Variants in TRRAP observed in about 807,000 individuals in gnomAD.
TRRAP encodes the protein transformation/transcription domain-associated protein.
A neutral mutation model predicts 438.8 loss-of-function variants in TRRAP; 41 were observed. That is an observed-to-expected ratio of 0.09 (90% confidence interval 0.07 to 0.12). The LOEUF (loss-of-function observed/expected upper bound fraction) is 0.12. TRRAP is among the 10% of genes least tolerant of loss of function. The pLI, the probability that TRRAP is intolerant of heterozygous loss-of-function variation, is 1.00. For missense variants in TRRAP, 3,122 were observed against 5,055.1 expected (o/e 0.62, Z 11.60); for synonymous variants, 1,994 against 1,962.9 (o/e 1.02, Z -0.42).
At chr7:98,892,624 C>A in intron 5 of TRRAP, 96 bp downstream of exon 5, 3 of 1,063,820 alleles carry the variant, frequency 2.8e-6, no homozygotes, top group Non-Finnish European at 4.0e-6. Flanking sequence ...ACTGTTTTAT[C>A]TTTCTCCCAA....
At chr7:99,002,130 T>TGGGGGGGGGGGGGGGGGGGGGGGGGGGGG (rs1562980307) in intron 67 of TRRAP, among the ~76,000 whole-genome samples, 2 of 37,342 alleles carry the variant, frequency 5.4e-5, no homozygotes, top group Admixed American at 5.8e-4. Flanking sequence ...GGCGGGGGGG[T>TGGGGGGGGGGGGGGGGGGGGGGGGGGGGG]GGGGTGGTGG....
chr7:98,890,311 G>A, intron 3 of TRRAP, 24 bp from the exon 4 acceptor site: 2 of 1,408,594 alleles, frequency 1.4e-6, no homozygotes, highest in South Asian at 1.4e-5. Flanking sequence ...AACTGAATGG[G>A]GTCTTTTATT....
chr7:98,934,455 A>AT (rs1454920664), intron 27 of TRRAP, among the ~76,000 whole-genome samples: 2 of 152,236 alleles, frequency 1.3e-5, no homozygotes, highest in Non-Finnish European at 2.9e-5. Context: ...TAGGAAATGC[A>AT]TAACTTCCCT....
chr7:98,892,606 AT>A, intron 5 of TRRAP, 78 bp downstream of exon 5: 1 of 1,225,698 alleles, frequency 8.2e-7, no homozygotes, highest in Non-Finnish European at 1.1e-6. Flanking sequence ...AAATTTCAGC[AT>A]TATACAACTG....
At chr7:98,977,381 C>T (rs532404504) in intron 56 of TRRAP, among the ~76,000 whole-genome samples, 7 of 152,272 alleles carry the variant, frequency 4.6e-5, no homozygotes, top group East Asian at 1.9e-4. Context: ...GTGCTGGTCT[C>T]GAACTCCTGA....
At chr7:98,978,461 C>A in intron 57 of TRRAP, 138 bp downstream of exon 57, 2 of 805,216 alleles carry the variant, frequency 2.5e-6, no homozygotes, top group Non-Finnish European at 4.0e-6. Flanking sequence ...AAATAGAAAC[C>A]CAAAACCAGC....
intron 51 of TRRAP, among the ~76,000 whole-genome samples, chr7:98,968,959 A>C (rs1223092558): frequency 6.6e-6 from 1 of 152,228 alleles, no homozygotes; most frequent in African/African-American, 2.4e-5. Context: ...TGGCTGTGGC[A>C]GGTCCATGTG....
intron 45 of TRRAP, among the ~76,000 whole-genome samples, chr7:98,960,828 G>A (rs1791858049): frequency 1.3e-5 from 2 of 151,756 alleles, no homozygotes; most frequent in Admixed American, 6.6e-5. Flanking sequence ...TGTTGACCAG[G>A]CCAGCCTCAA....
Position 98,927,356 on chromosome 7 carries a change from C to T in TRRAP, c.3165C>T (p.Ala1055=). The change falls in exon 23 of 73, where the codon GCC becomes GCT. Residue 1055 remains alanine, a synonymous_variant. Coordinates refer to ENST00000456197, the MANE Select transcript of TRRAP (RefSeq NM_001375524.1). ...LIRHYTMVAV[A]QQCGPFLLPC... ...GCCACTATACGATGGTGGCAGTCGCCCAGCAGTGTGGTGAGCACGGGGGCA... is the reference window on the plus strand; with the variant it reads ...GCCACTATACGATGGTGGCAGTCGCTCAGCAGTGTGGTGAGCACGGGGGCA... The T allele has an allele frequency of 6.2e-7, 1 of 1,614,178 alleles. No homozygotes were observed. The highest frequency in any genetic ancestry group is 8.5e-7 in the Non-Finnish European group (1 of 1,180,044).
rs782136917 is a variant in TRRAP at position 98,949,594 on chromosome 7, C to T, written c.4953+13C>T. 9 of 1,583,174 alleles carry T rather than the reference C, an allele frequency of 5.7e-6. No homozygotes were observed. In the Admixed American group the frequency reaches 1.4e-4, roughly 25 times the overall value. On this transcript the variant is annotated intron_variant, in intron 36 of 72. Transcript: ENST00000456197. The stretch of plus-strand genomic sequence containing the variant: ...CCAGGCCATCAAGGTAGCGCCCCTT[C>T]CTCCAGCCCCCAATGCCCAGGGGTT...
rs115458061 is a variant in TRRAP, at chr7:99,000,858, C to T, written c.10310-3332C>T. 8.1e-3 allele frequency among the ~76,000 whole-genome samples: 1,241 copies of T among 152,344 alleles called. 10 individuals are homozygous for T. Among genetic ancestry groups the T allele is most frequent in the African/African-American group, 0.026 (1,071 of 41,578 alleles). On this transcript the variant is annotated intron_variant, in intron 67 of 72. Transcript: ENST00000456197. ...CGAAGCCCACTGAGCAGTTCTGGCC[C>T]GGCCCCCTTCTCTGCCTTGCACACC...
chr7:98,940,953 C>T (rs1199040761), intron 30 of TRRAP, among the ~76,000 whole-genome samples: 1 of 152,172 alleles, frequency 6.6e-6, no homozygotes, highest in Admixed American at 6.5e-5. Context: ...GCCAAGGCAC[C>T]TTACTTTTAG....
intron 70 of TRRAP, 125 bp downstream of exon 70, chr7:99,008,686 A>G: frequency 9.5e-7 from 1 of 1,053,652 alleles, no homozygotes; most frequent in Non-Finnish European, 1.3e-6. Flanking sequence ...CTGTCATTTA[A>G]AGTAACTTTA....
Position 98,956,333 on chromosome 7 carries a change from G to A in TRRAP, c.6096+29G>A, listed in dbSNP as rs368291327. The A allele has an allele frequency of 3.8e-5, 62 of 1,613,334 alleles. No individual in the cohort carries two copies. Among genetic ancestry groups the A allele is most frequent in the East Asian group, 1.1e-4 (5 of 44,880 alleles). ...GGGGTGTCAGCCTCAGGGGTGCCCCGATCGTCTTCCTTTGACTTCTCCCTA... is the reference window on the plus strand; with the variant it reads ...GGGGTGTCAGCCTCAGGGGTGCCCCAATCGTCTTCCTTTGACTTCTCCCTA... On this transcript the variant is annotated intron_variant, in intron 42 of 72. Coordinates refer to ENST00000456197, the MANE Select transcript of TRRAP (RefSeq NM_001375524.1). The surrounding 1 kb of genome is among the most constrained non-coding windows in gnomAD (Gnocchi z 4.5).
intron 63 of TRRAP, among the ~76,000 whole-genome samples, chr7:98,989,197 G>T (rs998327208): frequency 2.0e-5 from 3 of 152,210 alleles, no homozygotes; most frequent in African/African-American, 7.2e-5. Context: ...AAAGCCTCAC[G>T]TAGAGCCCAA....
intron 1 of TRRAP, 60 bp from the exon 2 acceptor site, chr7:98,881,030 C>A: frequency 1.5e-6 from 1 of 662,726 alleles, no homozygotes; most frequent in Non-Finnish European, 2.4e-6. Context: ...GTAAGATTTT[C>A]ACAGAGATTG....
Position 98,956,661 on chromosome 7 carries a change from T to G in TRRAP, c.6231+128T>G. On this transcript the variant is annotated intron_variant, in intron 43 of 72. Coordinates refer to ENST00000456197, the MANE Select transcript of TRRAP (RefSeq NM_001375524.1). The surrounding 1 kb of genome is among the most constrained non-coding windows in gnomAD (Gnocchi z 4.5). Reference sequence around the variant, plus strand: ...GAGAGGAAGCTGGGAACAGCCACGGTCACCAGATTGAAACTCCAGGACATG... The same window carrying G: ...GAGAGGAAGCTGGGAACAGCCACGGGCACCAGATTGAAACTCCAGGACATG... The G allele has an allele frequency of 6.9e-7, 1 of 1,448,338 alleles. No individual in the cohort carries two copies. The allele number at this position is 1,448,338 out of a possible 1,614,324, so 89.7% of individuals were successfully genotyped here.
At chr7:98,887,729 CAAAA>C (rs34834746) in intron 3 of TRRAP, among the ~76,000 whole-genome samples, 1 of 88,664 alleles carries the variant, frequency 1.1e-5, no homozygotes, top group African/African-American at 4.8e-5. Flanking sequence ...AACTCCGTCT[CAAAA>C]AAAAAAAAAA....
At chr7:98,922,080 C>A in intron 21 of TRRAP, 127 bp downstream of exon 21, 1 of 1,328,580 alleles carries the variant, frequency 7.5e-7, no homozygotes, top group South Asian at 1.4e-5. Flanking sequence ...ATCAGGTGAT[C>A]GGCCTGGTTG....
Sources: allele counts gnomAD v4.1 joint callset (sites outside exome capture counted in the v4.1 genomes callset), GRCh38; gene constraint gnomAD v4.1.1; non-coding constraint Gnocchi (gnomAD v3.1); transcripts MANE v1.5; gene names NCBI Gene and HGNC (gene_info 2026-07-23, HGNC 2026-07-21).